The following MPHOSPH6 variants were observed in gnomAD, a reference collection of about 807,000 sequenced individuals.
MPHOSPH6 encodes the protein M-phase phosphoprotein 6.
A neutral mutation model predicts 21.8 loss-of-function variants in MPHOSPH6; 25 were observed. That is an observed-to-expected ratio of 1.15 (90% confidence interval 0.83 to 1.60). The LOEUF (loss-of-function observed/expected upper bound fraction) is 1.60, where lower values mean the gene tolerates loss of function less well. Ranked by LOEUF, MPHOSPH6 falls within the 40% of genes most tolerant of loss-of-function variation. The pLI is 0.00. For missense variants in MPHOSPH6, 269 were observed against 181.8 expected, an observed-to-expected ratio of 1.48 and a Z score of -2.76; for synonymous variants, 84 against 56.5, an observed-to-expected ratio of 1.49 and a Z score of -2.18.
At chr16:82,156,094 C>T (rs889287990) in intron 2 of MPHOSPH6, among the ~76,000 whole-genome samples, 10 of 151,868 alleles carry the variant, frequency 6.6e-5, no homozygotes, top group Non-Finnish European at 1.2e-4. Flanking sequence ...ATTCATTAGA[C>T]GAGAGTCATA....
At position 82,151,517 on chromosome 16, in the gene MPHOSPH6, A is replaced by G; in HGVS notation, c.165-3T>C. ...TCTGCTCTTCTATTATGAAACTCCT[A>G]AATGGGAAAATAAAAATAGCATTTC... On this transcript the variant is annotated splice_polypyrimidine_tract_variant and splice_region_variant and intron_variant, in intron 2 of 4. Transcript: ENST00000258169. 1.3e-6 allele frequency: 2 copies of G among 1,571,024 alleles called. No individual in the cohort carries two copies. Among genetic ancestry groups the G allele is most frequent in the East Asian group, 2.3e-5 (1 of 44,430 alleles).
At position 82,167,805 on chromosome 16, in the gene MPHOSPH6, G is replaced by C. The variant is rs542876374; in HGVS notation, c.51+2320C>G. On this transcript the variant is annotated intron_variant, in intron 1 of 4. Transcript: ENST00000258169. ...TGTAAATACAGATGAAGTTTCGCTC[G>C]CTTGCCTGCCCGCTGCTCACTTCCT... Among the ~76,000 whole-genome samples the C allele has an allele frequency of 1.6e-4, 24 of 152,286 alleles. 1 individual carries two copies. The South Asian group carries it at 4.3e-3, about 28-fold the overall frequency.
intron 2 of MPHOSPH6, among the ~76,000 whole-genome samples, chr16:82,158,220 G>C (rs1311496854): frequency 1.3e-5 from 2 of 152,010 alleles, no homozygotes; most frequent in African/African-American, 4.8e-5. Context: ...CGGGCGCAGT[G>C]GCTCACACCT....
chr16:82,149,615 T>TA (rs1906198692), intron 3 of MPHOSPH6, among the ~76,000 whole-genome samples: 1 of 152,212 alleles, frequency 6.6e-6, no homozygotes, highest in South Asian at 2.1e-4. Flanking sequence ...CCCACTGAAT[T>TA]ATACTTAGGG....
intron 2 of MPHOSPH6, among the ~76,000 whole-genome samples, chr16:82,163,220 T>C (rs1906660192): frequency 6.6e-6 from 1 of 152,182 alleles, no homozygotes; most frequent in Non-Finnish European, 1.5e-5. Context: ...AACACATAAA[T>C]GTGCCTCAAG....
intron 2 of MPHOSPH6, among the ~76,000 whole-genome samples, chr16:82,155,775 A>G (rs113444820): frequency 0.12 from 17,853 of 152,040 alleles, 1,291 homozygotes; most frequent in East Asian, 0.29. Flanking sequence ...GTGGTGGGGC[A>G]GCACCTGTAA....
chr16:82,153,933 C>T lies in MPHOSPH6; in HGVS notation c.165-2419G>A, dbSNP rs192246972. 8.5e-4 allele frequency among the ~76,000 whole-genome samples: 130 copies of T among 152,290 alleles called. 1 individual carries two copies. Among genetic ancestry groups the T allele is most frequent in the African/African-American group, 3.0e-3 (125 of 41,562 alleles). On this transcript the variant is annotated intron_variant, in intron 2 of 4. Transcript: ENST00000258169. The stretch of plus-strand genomic sequence containing the variant: ...TCTGTGTGTCAAATCTTCCTCACCT[C>T]TCCTCCTTATAAGGAAAAGTGATTA...
intron 2 of MPHOSPH6, among the ~76,000 whole-genome samples, chr16:82,153,454 T>A (rs116806731): frequency 6.6e-6 from 1 of 152,208 alleles, no homozygotes; most frequent in Admixed American, 6.5e-5. Flanking sequence ...AATTTCCAGA[T>A]TGTGGAGCAG....
chr16:82,169,814 G>C lies in MPHOSPH6; in HGVS notation c.51+311C>G, dbSNP rs1452337674. ...ATATATAAGTAAGCAACAACTTCTC[G>C]AGAAGCTCGGTGAGTCCCCAAGGTC... On this transcript the variant is annotated intron_variant, in intron 1 of 4. Transcript: ENST00000258169. Among the ~76,000 whole-genome samples the C allele has an allele frequency of 2.0e-5, 3 of 152,238 alleles. No individual in the cohort carries two copies. In the East Asian group the frequency reaches 5.8e-4, roughly 29 times the overall value.
At chr16:82,155,331 T>A (rs1221430075) in intron 2 of MPHOSPH6, among the ~76,000 whole-genome samples, 1 of 152,204 alleles carries the variant, frequency 6.6e-6, no homozygotes, top group Non-Finnish European at 1.5e-5. Flanking sequence ...TCCTTAGCCA[T>A]GAAATAAATC....
chr16:82,158,299 T>G (rs1794578151), intron 2 of MPHOSPH6, among the ~76,000 whole-genome samples: 2 of 149,118 alleles, frequency 1.3e-5, no homozygotes, highest in South Asian at 4.2e-4. Flanking sequence ...TCATCCTGGC[T>G]AATACGATGA....
chr16:82,164,349 C>T lies in MPHOSPH6; in HGVS notation c.52-155G>A, dbSNP rs574225939. Among the ~76,000 whole-genome samples, 4 of 152,348 alleles carry T rather than the reference C, an allele frequency of 2.6e-5. No individual in the cohort carries two copies. The South Asian group carries it at 6.2e-4, about 24-fold the overall frequency. On this transcript the variant is annotated intron_variant, in intron 1 of 4. Transcript: ENST00000258169. ...GGGCAAGTGATCAAACGGTTTAGCT[C>T]TACCCTTCCAACTTTACACTAGACG...
chr16:82,158,423 C>T (rs141229040), intron 2 of MPHOSPH6, among the ~76,000 whole-genome samples: 1,614 of 146,708 alleles, frequency 0.011, 28 homozygotes, highest in African/African-American at 0.038. Flanking sequence ...GGTGTGAACC[C>T]GGGAGGTGGA....
chr16:82,163,206 T>A (rs867707666), intron 2 of MPHOSPH6, among the ~76,000 whole-genome samples: 4 of 152,130 alleles, frequency 2.6e-5, no homozygotes, highest in Admixed American at 2.6e-4. Flanking sequence ...AGGTACAGAA[T>A]GGAAACACAT....
In MPHOSPH6 at chr16:82,148,538, T is replaced by C. The variant is rs536584491; in HGVS notation, c.*193A>G. On this transcript the variant is annotated 3_prime_UTR_variant, in exon 5 of 5. Coordinates refer to ENST00000258169, the MANE Select transcript of MPHOSPH6 (RefSeq NM_005792.2). ...TCAGGGGCTAAAAATCCACTCTGAA[T>C]GAATACCAAGAAGCAAAGGATGTAC... The C allele has an allele frequency of 1.6e-6, 1 of 631,230 alleles. No individual in the cohort carries two copies. Among genetic ancestry groups the C allele is most frequent in the Non-Finnish European group, 2.4e-6 (1 of 412,274 alleles). The allele number at this position is 631,230 out of a possible 1,614,324, so 39.1% of individuals were successfully genotyped here.
chr16:82,156,276 T>C (rs925175210), intron 2 of MPHOSPH6, among the ~76,000 whole-genome samples: 4 of 152,156 alleles, frequency 2.6e-5, no homozygotes, highest in African/African-American at 7.2e-5. Flanking sequence ...AAAAAAACCC[T>C]AGAAACACTG....
chr16:82,158,925 T>C (rs973340559), intron 2 of MPHOSPH6, among the ~76,000 whole-genome samples: 1 of 151,804 alleles, frequency 6.6e-6, no homozygotes, highest in Non-Finnish European at 1.5e-5. Context: ...ATGCAGGATG[T>C]TAAGAAATCA....
intron 2 of MPHOSPH6, among the ~76,000 whole-genome samples, chr16:82,152,334 G>C (rs1007838561): frequency 2.0e-5 from 3 of 152,164 alleles, no homozygotes; most frequent in Non-Finnish European, 2.9e-5. Flanking sequence ...AGGAGAAGTA[G>C]TGGGAAATCA....
At chr16:82,162,796 G>C (rs1906647744) in intron 2 of MPHOSPH6, among the ~76,000 whole-genome samples, 1 of 152,162 alleles carries the variant, frequency 6.6e-6, no homozygotes, top group Non-Finnish European at 1.5e-5. Context: ...TGGCAAAAAG[G>C]CATTATTTAC....
Sources: gnomAD v4.1 joint callset for allele counts (sites outside exome capture counted in the v4.1 genomes callset) on GRCh38, gnomAD v4.1.1 for gene constraint, MANE v1.5 for transcripts, NCBI Gene and HGNC (gene_info 2026-07-23, HGNC 2026-07-21) for gene names.